The following CDH13 variants were observed in gnomAD, a reference collection of about 807,000 sequenced individuals.
The protein encoded by CDH13 is cadherin-13.
CDH13 carries 24 observed loss-of-function variants against 63.8 expected under a neutral mutation model. The observed-to-expected ratio is 0.38, with a 90% CI of 0.27 to 0.53. The LOEUF (loss-of-function observed/expected upper bound fraction) is 0.53. CDH13 is among the 20% of genes least tolerant of loss of function. The probability of loss-of-function intolerance (pLI) is 0.85; values close to 1 mark genes in which losing one functional copy is unlikely to be tolerated. For missense variants in CDH13, 1,049 were observed against 903.1 expected (o/e 1.16, Z -2.07); for synonymous variants, 503 against 355.3 (o/e 1.42, Z -4.67).
intron 8 of CDH13, among the ~76,000 whole-genome samples, chr16:83,615,202 T>C (rs1909184878): frequency 6.6e-6 from 1 of 152,180 alleles, no homozygotes; most frequent in South Asian, 2.1e-4. Context: ...AAAAGCCTCC[T>C]ACTTGGATAA....
intron 6 of CDH13, among the ~76,000 whole-genome samples, chr16:83,462,258 A>T (rs1387772698): frequency 6.6e-6 from 1 of 152,216 alleles, no homozygotes; most frequent in Non-Finnish European, 1.5e-5. Flanking sequence ...AAGGGAAGCA[A>T]TGCTGTGGCT....
At chr16:83,041,987 C>T (rs995104170) in intron 3 of CDH13, among the ~76,000 whole-genome samples, 4 of 152,166 alleles carry the variant, frequency 2.6e-5, no homozygotes, top group Admixed American at 2.0e-4. Flanking sequence ...TGATCTCACA[C>T]GTTCTAGACA....
intron 5 of CDH13, among the ~76,000 whole-genome samples, chr16:83,316,053 A>G (rs2090098439): frequency 6.6e-6 from 1 of 152,168 alleles, no homozygotes. Flanking sequence ...ATCATGGTGG[A>G]AGGGGAAGGA....
At chr16:82,750,423 T>C (rs148258073) in intron 1 of CDH13, among the ~76,000 whole-genome samples, 204 of 152,282 alleles carry the variant, frequency 1.3e-3, no homozygotes, top group African/African-American at 4.6e-3. Flanking sequence ...ACTCTCTCCT[T>C]CTTTAGGGAG....
intron 6 of CDH13, among the ~76,000 whole-genome samples, chr16:83,419,962 A>G (rs1325987007): frequency 2.6e-5 from 4 of 151,222 alleles, no homozygotes; most frequent in African/African-American, 7.3e-5. Flanking sequence ...TGTTCTGAAT[A>G]CTATATGCAT....
At chr16:83,155,612 G>A (rs2037175547) in intron 4 of CDH13, among the ~76,000 whole-genome samples, 2 of 152,114 alleles carry the variant, frequency 1.3e-5, no homozygotes, top group Admixed American at 6.5e-5. Flanking sequence ...GGCAACTCTA[G>A]TCCTTACAAC....
At chr16:83,409,496 C>T (rs911081905) in intron 6 of CDH13, among the ~76,000 whole-genome samples, 3 of 152,188 alleles carry the variant, frequency 2.0e-5, no homozygotes, top group African/African-American at 7.2e-5. Flanking sequence ...TGGTTTGGGA[C>T]ATGTAGAGTT....
chr16:83,229,701 G>T (rs551666981), intron 5 of CDH13, among the ~76,000 whole-genome samples: 1 of 152,234 alleles, frequency 6.6e-6, no homozygotes, highest in African/African-American at 2.4e-5. Flanking sequence ...AGGTGCAGAT[G>T]TTTGCATAAT....
chr16:82,790,424 G>T (rs1017228637), intron 1 of CDH13, among the ~76,000 whole-genome samples: 1 of 152,134 alleles, frequency 6.6e-6, no homozygotes, highest in Admixed American at 6.5e-5. Context: ...GACAGAGTGA[G>T]ACTCTGTCTC....
At chr16:83,006,515 C>T (rs1913513961) in intron 2 of CDH13, among the ~76,000 whole-genome samples, 1 of 152,088 alleles carries the variant, frequency 6.6e-6, no homozygotes, top group Non-Finnish European at 1.5e-5. Context: ...TAGCCAAGCG[C>T]TTGACTGCTC....
chr16:82,676,245 A>G (rs763528718), intron 1 of CDH13, among the ~76,000 whole-genome samples: 11 of 152,134 alleles, frequency 7.2e-5, no homozygotes, highest in Non-Finnish European at 1.6e-4. Flanking sequence ...CATTCTTCTT[A>G]CATGTCTCAA....
chr16:83,066,887 C>A (rs2032058144), intron 3 of CDH13, among the ~76,000 whole-genome samples: 1 of 152,148 alleles, frequency 6.6e-6, no homozygotes, highest in African/African-American at 2.4e-5. Flanking sequence ...AGAGTGAGTG[C>A]TTAAAGGCAC....
chr16:82,789,199 G>A (rs1597586243), intron 1 of CDH13, among the ~76,000 whole-genome samples: 1 of 152,178 alleles, frequency 6.6e-6, no homozygotes, highest in South Asian at 2.1e-4. Context: ...TGGTCATCCA[G>A]TCTCTGTGTG....
At chr16:83,791,750 G>T (rs1490287996) in intron 13 of CDH13, among the ~76,000 whole-genome samples, 4 of 145,118 alleles carry the variant, frequency 2.8e-5, no homozygotes, top group African/African-American at 7.6e-5. Context: ...GTTGGAGGTT[G>T]CAGTGAGCCA....
At chr16:83,341,989 C>CCACAAACA (rs2090733635) in intron 5 of CDH13, among the ~76,000 whole-genome samples, 1 of 138,072 alleles carries the variant, frequency 7.2e-6, no homozygotes, top group Non-Finnish European at 1.6e-5. Context: ...GTGTCCCCTG[C>CCACAAACA]CACACACACA....
At chr16:83,206,999 A>G (rs943079845) in intron 4 of CDH13, among the ~76,000 whole-genome samples, 1 of 152,260 alleles carries the variant, frequency 6.6e-6, no homozygotes, top group African/African-American at 2.4e-5. Context: ...AGATCTGGAA[A>G]GCAACATAAA....
At chr16:83,251,756 C>G (rs757739269) in intron 5 of CDH13, among the ~76,000 whole-genome samples, 1 of 152,190 alleles carries the variant, frequency 6.6e-6, no homozygotes. Context: ...GAATCACAGT[C>G]TGATGGCAGG....
chr16:83,788,946 A>T (rs1286437542), intron 13 of CDH13, among the ~76,000 whole-genome samples: 4 of 152,192 alleles, frequency 2.6e-5, no homozygotes, highest in African/African-American at 9.6e-5. Flanking sequence ...AGTTAAAAAC[A>T]GGTGTTACCA....
intron 5 of CDH13, among the ~76,000 whole-genome samples, chr16:83,333,400 G>A (rs926193164): frequency 1.3e-5 from 2 of 152,076 alleles, no homozygotes; most frequent in Admixed American, 6.6e-5. Context: ...TACGGAGCGG[G>A]GGTGGTCCTA....
Sources: allele counts gnomAD v4.1 joint callset (sites outside exome capture counted in the v4.1 genomes callset), GRCh38; gene constraint gnomAD v4.1.1; transcripts MANE v1.5; gene names NCBI Gene and HGNC (gene_info 2026-07-23, HGNC 2026-07-21).